The following GPATCH2 variants were observed in gnomAD, a reference collection of about 807,000 sequenced individuals.
GPATCH2 encodes G patch domain-containing protein 2.
Under a neutral mutation model 58.0 loss-of-function variants are expected in GPATCH2, and 51 were observed. That is an observed-to-expected ratio of 0.88 (90% confidence interval 0.70 to 1.11). The LOEUF (loss-of-function observed/expected upper bound fraction) is 1.11, where lower values mean the gene tolerates loss of function less well. GPATCH2 is among the 50% of genes most tolerant of loss of function. The pLI, the probability that GPATCH2 is intolerant of heterozygous loss-of-function variation, is 0.00. For missense variants in GPATCH2, 625 were observed against 652.2 expected (o/e 0.96, Z 0.45); for synonymous variants, 222 against 218.5 (o/e 1.02, Z -0.14).
chr1:217,518,658 A>T (rs980322846), intron 5 of GPATCH2, among the ~76,000 whole-genome samples: 1 of 152,232 alleles, frequency 6.6e-6, no homozygotes, highest in African/African-American at 2.4e-5. Context: ...TATCTTACTT[A>T]TATTCTCAAT....
chr1:217,622,693 G>A (rs559003137), intron 1 of GPATCH2, among the ~76,000 whole-genome samples: 75 of 152,250 alleles, frequency 4.9e-4, no homozygotes, highest in African/African-American at 1.7e-3. Context: ...ACAGGCGCAC[G>A]CCACCATGCC....
intron 8 of GPATCH2, among the ~76,000 whole-genome samples, chr1:217,463,641 CAAAAAAAAAAAAAAA>C (rs201402598): frequency 0.1 from 8,371 of 82,496 alleles, 401 homozygotes; most frequent in Middle Eastern, 0.15. Flanking sequence ...CTTATCACTC[CAAAAAAAAAAAAAAA>C]AAAAAAAAAA....
chr1:217,454,750 G>A (rs1388411762), intron 8 of GPATCH2, among the ~76,000 whole-genome samples: 2 of 140,278 alleles, frequency 1.4e-5, no homozygotes, highest in South Asian at 2.4e-4. Flanking sequence ...CCACCCTCCC[G>A]GCCCCCACGG....
intron 5 of GPATCH2, among the ~76,000 whole-genome samples, chr1:217,577,616 T>A (rs896180713): frequency 6.6e-6 from 1 of 152,094 alleles, no homozygotes; most frequent in Admixed American, 6.6e-5. Context: ...ACAGAAAAAA[T>A]TCAGTTTTGT....
At chr1:217,463,126 C>T (rs565063997) in intron 8 of GPATCH2, among the ~76,000 whole-genome samples, 77 of 152,244 alleles carry the variant, frequency 5.1e-4, no homozygotes, top group African/African-American at 1.8e-3. Context: ...AGTAAAGAAA[C>T]TCTGCGGTTG....
intron 8 of GPATCH2, among the ~76,000 whole-genome samples, chr1:217,464,309 A>G (rs2102492309): frequency 6.6e-6 from 1 of 152,256 alleles, no homozygotes; most frequent in South Asian, 2.1e-4. Flanking sequence ...GGTTGGATAT[A>G]AACTATTGGC....
intron 9 of GPATCH2, among the ~76,000 whole-genome samples, chr1:217,433,358 G>T (rs937308817): frequency 1.5e-5 from 2 of 134,142 alleles, no homozygotes; most frequent in African/African-American, 6.1e-5. Flanking sequence ...TCTTTAAGCT[G>T]TTCATATATA....
intron 5 of GPATCH2, among the ~76,000 whole-genome samples, chr1:217,545,195 C>G (rs1291923032): frequency 6.6e-6 from 1 of 152,190 alleles, no homozygotes; most frequent in Non-Finnish European, 1.5e-5. Flanking sequence ...CAGGCGGCTA[C>G]AATATAAAAC....
At chr1:217,588,793 T>C (rs1373055849) in intron 5 of GPATCH2, among the ~76,000 whole-genome samples, 1 of 152,104 alleles carries the variant, frequency 6.6e-6, no homozygotes, top group East Asian at 1.9e-4. Flanking sequence ...CTGACATCAG[T>C]AAGAAAAATC....
chr1:217,583,100 T>C (rs1433255279), intron 5 of GPATCH2, among the ~76,000 whole-genome samples: 1 of 151,920 alleles, frequency 6.6e-6, no homozygotes, highest in Non-Finnish European at 1.5e-5. Context: ...ACTAACAGAA[T>C]AGATTAAACA....
At chr1:217,608,435 A>G in intron 5 of GPATCH2, 2 of 985,002 alleles carry the variant, frequency 2.0e-6, no homozygotes, top group Non-Finnish European at 2.4e-6. Flanking sequence ...CAATTTAGAG[A>G]GGGAAAGCAG....
chr1:217,492,149 G>A (rs567423291), intron 7 of GPATCH2, among the ~76,000 whole-genome samples: 32 of 152,082 alleles, frequency 2.1e-4, no homozygotes, highest in African/African-American at 6.8e-4. Flanking sequence ...TCTTGTCAAC[G>A]GCCTTCACTG....
At chr1:217,472,196 G>A (rs1660751541) in intron 8 of GPATCH2, among the ~76,000 whole-genome samples, 1 of 151,224 alleles carries the variant, frequency 6.6e-6, no homozygotes, top group Non-Finnish European at 1.5e-5. Flanking sequence ...CAGCAATAAA[G>A]ACTAATCATA....
intron 5 of GPATCH2, among the ~76,000 whole-genome samples, chr1:217,599,497 C>T (rs1486375090): frequency 6.6e-6 from 1 of 152,200 alleles, no homozygotes; most frequent in Non-Finnish European, 1.5e-5. Flanking sequence ...AAAGATAACA[C>T]ATGAAACCAA....
intron 8 of GPATCH2, among the ~76,000 whole-genome samples, chr1:217,485,048 A>T (rs571221482): frequency 6.6e-6 from 1 of 152,302 alleles, no homozygotes; most frequent in East Asian, 1.9e-4. Flanking sequence ...GAAGTCCCAC[A>T]ATCTGTGGTC....
At chr1:217,608,677 G>A (rs2102810486) in intron 5 of GPATCH2, 2 of 983,816 alleles carry the variant, frequency 2.0e-6, no homozygotes, top group South Asian at 4.7e-5. Flanking sequence ...CATAGGCCAA[G>A]GTTTTAAAGT....
intron 5 of GPATCH2, among the ~76,000 whole-genome samples, chr1:217,524,843 A>G: frequency 2.2e-5 from 1 of 46,412 alleles, no homozygotes; most frequent in Non-Finnish European, 4.9e-5. Context: ...CATCAGAGGG[A>G]GACCGGGGAG....
chr1:217,566,353 C>T (rs1666234010), intron 5 of GPATCH2, among the ~76,000 whole-genome samples: 1 of 152,112 alleles, frequency 6.6e-6, no homozygotes, highest in African/African-American at 2.4e-5. Context: ...AATATTCATC[C>T]TATGCTGTGG....
chr1:217,519,780 C>T (rs1467859668), intron 5 of GPATCH2, among the ~76,000 whole-genome samples: 1 of 152,174 alleles, frequency 6.6e-6, no homozygotes, highest in Non-Finnish European at 1.5e-5. Flanking sequence ...TATTTTAAAT[C>T]CAGTACTGCT....
Sources: gnomAD v4.1 joint callset for allele counts (sites outside exome capture counted in the v4.1 genomes callset) on GRCh38, gnomAD v4.1.1 for gene constraint, MANE v1.5 for transcripts, NCBI Gene and HGNC (gene_info 2026-07-23, HGNC 2026-07-21) for gene names.